Variants in PDK1 observed in about 807,000 individuals in gnomAD.
PDK1 encodes [Pyruvate dehydrogenase (acetyl-transferring)] kinase isozyme 1, mitochondrial.
A neutral mutation model predicts 54.2 loss-of-function variants in PDK1; 39 were observed. That is an observed-to-expected ratio of 0.72 (90% CI 0.56 to 0.94). PDK1 has a LOEUF of 0.94. PDK1 is among the 40% of genes least tolerant of loss of function. The pLI, the probability that PDK1 is intolerant of heterozygous loss-of-function variation, is 0.00. For synonymous variants in PDK1, 221 were observed against 207.1 expected (o/e 1.07, Z -0.58); for missense variants, 552 against 566.0 (o/e 0.98, Z 0.25).
At chr2:172,564,849 T>C (rs1234281792) in intron 4 of PDK1, 129 bp from the exon 5 acceptor site, 1 of 843,462 alleles carries the variant, frequency 1.2e-6, no homozygotes, top group African/African-American at 1.7e-5. Flanking sequence ...TTTTATTGAA[T>C]GTAAAATACT....
rs1688500396 is a variant in PDK1, at chr2:172,558,830, G to A, written c.319G>A (p.Val107Ile). Residue 107 changes from valine (V) to isoleucine (I), a missense_variant, in exon 2 of 11, where the codon GTT becomes ATT. By Grantham distance (29) the Val-to-Ile change is conservative. Coordinates refer to ENST00000282077, the MANE Select transcript of PDK1 (RefSeq NM_002610.5). ...AGATAATCTTCTCAGGACACCATCC[G>A]TTCAATTGGTACAAAGCTGGTAAGA... ...LPDNLLRTPS[V>I]QLVQSWYIQS... 6 of 1,611,564 alleles carry A rather than the reference G, an allele frequency of 3.7e-6. No individual in the cohort carries two copies. The highest frequency in any genetic ancestry group is 2.2e-5 in the East Asian group (1 of 44,774).
the PDK1 span, among the ~76,000 whole-genome samples, chr2:172,711,049 G>T: frequency 6.6e-6 from 1 of 152,156 alleles, no homozygotes; most frequent in Non-Finnish European, 1.5e-5. Flanking sequence ...TTTTTCCTAG[G>T]TTGTAAATGA....
chr2:172,681,724 T>C, the PDK1 span, among the ~76,000 whole-genome samples: 1 of 151,504 alleles, frequency 6.6e-6, no homozygotes, highest in African/African-American at 2.4e-5. Context: ...GCATGAGGAG[T>C]GTAAGTGGGC....
intron 2 of PDK1, 61 bp downstream of exon 2, chr2:172,558,910 G>T: frequency 6.8e-7 from 1 of 1,472,502 alleles, no homozygotes; most frequent in Non-Finnish European, 9.3e-7. Context: ...CAAGGTTACA[G>T]CAAATGCTTT....
chr2:172,667,402 G>A, the PDK1 span, among the ~76,000 whole-genome samples: 1 of 152,182 alleles, frequency 6.6e-6, no homozygotes, highest in Admixed American at 6.5e-5. Context: ...GCCCAGGGGT[G>A]ATTAGGAGAG....
chr2:172,676,786 A>G, the PDK1 span, among the ~76,000 whole-genome samples: 1 of 152,214 alleles, frequency 6.6e-6, no homozygotes, highest in Non-Finnish European at 1.5e-5. Flanking sequence ...GCCAAATGCT[A>G]TCAAACAGCA....
At chr2:172,651,312 C>G in the PDK1 span, among the ~76,000 whole-genome samples, 1 of 152,154 alleles carries the variant, frequency 6.6e-6, no homozygotes, top group East Asian at 1.9e-4. Context: ...ATCTCTGGGA[C>G]ACATTTAAAG....
the PDK1 span, among the ~76,000 whole-genome samples, chr2:172,712,607 C>T: frequency 6.6e-6 from 1 of 152,162 alleles, no homozygotes. Context: ...GTACTGCAAG[C>T]GGCTTCCACT....
chr2:172,693,248 G>A, the PDK1 span, among the ~76,000 whole-genome samples: 1 of 152,264 alleles, frequency 6.6e-6, no homozygotes, highest in Non-Finnish European at 1.5e-5. Flanking sequence ...AGTGTTGATG[G>A]CACACTGGCT....
chr2:172,669,220 C>T, the PDK1 span, among the ~76,000 whole-genome samples: 1 of 150,960 alleles, frequency 6.6e-6, no homozygotes, highest in African/African-American at 2.5e-5. Flanking sequence ...CCACTACGCC[C>T]GGCTAACTTT....
chr2:172,695,662 C>G, the PDK1 span, among the ~76,000 whole-genome samples: 7 of 152,168 alleles, frequency 4.6e-5, no homozygotes, highest in Non-Finnish European at 2.9e-5. Flanking sequence ...CTCCATCTTA[C>G]TAGGAGACTG....
At position 172,580,835 on chromosome 2, in the gene PDK1, C is replaced by A. The variant is rs146154498; in HGVS notation, c.946-5443C>A. On this transcript the variant is annotated intron_variant, in intron 8 of 10. Transcript: ENST00000282077. ...TTGTTGTAACATTGAAGACATTATG[C>A]TAAGTGAAAGAAGCCAATCACAAAA... Among the ~76,000 whole-genome samples the A allele has an allele frequency of 6.3e-4, 96 of 151,718 alleles. 1 individual carries two copies. The East Asian group carries it at 0.015, about 23-fold the overall frequency.
chr2:172,695,896 G>T, the PDK1 span, among the ~76,000 whole-genome samples: 2 of 152,112 alleles, frequency 1.3e-5, no homozygotes, highest in East Asian at 1.9e-4. Context: ...GAAGAGGCTG[G>T]GTGTGGTGGC....
the PDK1 span, among the ~76,000 whole-genome samples, chr2:172,650,816 C>A: frequency 6.6e-6 from 1 of 152,158 alleles, no homozygotes; most frequent in Non-Finnish European, 1.5e-5. Context: ...TACAGGAGCA[C>A]CCAGATTCAT....
chr2:172,665,615 T>TA, the PDK1 span, among the ~76,000 whole-genome samples: 1 of 152,170 alleles, frequency 6.6e-6, no homozygotes, highest in African/African-American at 2.4e-5. Flanking sequence ...TCACTTTTGT[T>TA]AAAAATTGTA....
chr2:172,656,714 A>G, the PDK1 span, among the ~76,000 whole-genome samples: 4 of 152,186 alleles, frequency 2.6e-5, no homozygotes, highest in South Asian at 8.3e-4. Context: ...GAGTTCAAGA[A>G]CAGCCTTATT....
chr2:172,556,280 G>C lies in PDK1; in HGVS notation c.130G>C (p.Gly44Arg). Residue 44 changes from glycine (G) to arginine (R), a missense_variant, in exon 1 of 11, where the codon GGC becomes CGC. Gly to Arg is a moderately radical substitution (Grantham distance 125). Coordinates refer to ENST00000282077, the MANE Select transcript of PDK1 (RefSeq NM_002610.5). ...SSPASERGVP[G>R]QVDFYARFSP... The stretch of plus-strand genomic sequence containing the variant: ...CCCGGCGTCCGAGCGCGGCGTTCCG[G>C]GCCAGGTGGACTTCTACGCGCGCTT... 6.6e-7 allele frequency: 1 copy of C among 1,505,950 alleles called. No homozygotes were observed. The highest frequency in any genetic ancestry group is 8.8e-7 in the Non-Finnish European group (1 of 1,133,990). 93.3% of individuals were successfully genotyped at this position (1,505,950 alleles called of 1,614,324 possible).
chr2:172,618,410 T>C, the PDK1 span, among the ~76,000 whole-genome samples: 2 of 152,216 alleles, frequency 1.3e-5, no homozygotes, highest in South Asian at 4.1e-4. Context: ...GTTTGGACAA[T>C]GATGGCAACA....
At chr2:172,613,969 C>G in the PDK1 span, among the ~76,000 whole-genome samples, 1 of 152,162 alleles carries the variant, frequency 6.6e-6, no homozygotes, top group Non-Finnish European at 1.5e-5. Flanking sequence ...GATCTGCCCT[C>G]CTGGGTGCAG....
Sources: allele counts gnomAD v4.1 joint callset (sites outside exome capture counted in the v4.1 genomes callset), GRCh38; gene constraint gnomAD v4.1.1; transcripts MANE v1.5; gene names NCBI Gene and HGNC (gene_info 2026-07-23, HGNC 2026-07-21).